The following CCDC171 variants were observed in gnomAD, a reference collection of about 807,000 sequenced individuals.
CCDC171 encodes coiled-coil domain-containing protein 171.
A neutral mutation model predicts 168.2 loss-of-function variants in CCDC171; 177 were observed. The ratio of observed to expected loss-of-function variants is 1.05; its 90% CI spans 0.93 to 1.19. The LOEUF (loss-of-function observed/expected upper bound fraction) is 1.19, where lower values mean the gene tolerates loss of function less well. Among genes scored for constraint, CCDC171 ranks in the 50% most tolerant of loss-of-function variants. The pLI is 0.00. For missense variants in CCDC171, 1,991 were observed against 1,539.0 expected (o/e 1.29, Z -4.91); for synonymous variants, 687 against 540.8 (o/e 1.27, Z -3.75).
At chr9:15,793,329 C>T (rs1384589306) in intron 21 of CCDC171, among the ~76,000 whole-genome samples, 5 of 151,852 alleles carry the variant, frequency 3.3e-5, no homozygotes, top group African/African-American at 1.2e-4. Flanking sequence ...TAAAGCAAGT[C>T]CTTAGAGACC....
chr9:16,043,874 C>A (rs757386605), intron 1 of CCDC171, among the ~76,000 whole-genome samples: 11 of 152,122 alleles, frequency 7.2e-5, no homozygotes, highest in Non-Finnish European at 1.5e-4. Context: ...AATTCAGTGC[C>A]CTGGCATCAC....
downstream of CCDC171, among the ~76,000 whole-genome samples, chr9:16,065,596 GAC>G (rs1168026950): frequency 1.3e-5 from 2 of 152,284 alleles, no homozygotes; most frequent in Non-Finnish European, 2.9e-5. Context: ...GCACCACTCT[GAC>G]ACACAGTTTG....
intron 25 of CCDC171, among the ~76,000 whole-genome samples, chr9:15,927,244 C>T (rs1163768098): frequency 6.6e-6 from 1 of 151,576 alleles, no homozygotes; most frequent in Non-Finnish European, 1.5e-5. Context: ...GTATGTTGGT[C>T]TTTGGCCCAT....
At position 15,971,722 on chromosome 9, in the gene CCDC171, C is replaced by T. The variant is rs760316996; in HGVS notation, c.3867C>T (p.Tyr1289=). 1.7e-5 allele frequency: 27 copies of T among 1,613,668 alleles called. No homozygotes were observed. The South Asian group carries it at 2.6e-4, about 16-fold the overall frequency. ...LPLKAELDTT[Y]TFLKETFINT... ...TGAAAGCTGAACTTGATACTACTTA[C>T]ACTTTCTTAAAGGAGACATTTATAA... Residue 1289 remains tyrosine, a synonymous_variant, in exon 26 of 26, where the codon TAC becomes TAT. Coordinates refer to ENST00000380701, the MANE Select transcript of CCDC171 (RefSeq NM_173550.4).
chr9:15,967,964 T>G (rs1370384488), intron 25 of CCDC171, among the ~76,000 whole-genome samples: 2 of 152,240 alleles, frequency 1.3e-5, no homozygotes, highest in East Asian at 3.8e-4. Context: ...ATGCTTTATT[T>G]ATTTATTTTT....
intron 21 of CCDC171, among the ~76,000 whole-genome samples, chr9:15,824,176 A>T (rs576797806): frequency 2.0e-5 from 3 of 152,132 alleles, no homozygotes; most frequent in African/African-American, 7.2e-5. Flanking sequence ...TCATGTATCT[A>T]TGTTTATCTG....
chr9:15,957,456 A>C (rs1243031208), intron 25 of CCDC171, among the ~76,000 whole-genome samples: 1 of 152,172 alleles, frequency 6.6e-6, no homozygotes, highest in African/African-American at 2.4e-5. Flanking sequence ...AAGCACCTTA[A>C]AAGATTTTAC....
chr9:15,624,726 G>T (rs2044898490), intron 7 of CCDC171, among the ~76,000 whole-genome samples: 1 of 152,094 alleles, frequency 6.6e-6, no homozygotes, highest in South Asian at 2.1e-4. Context: ...TGGACATTTG[G>T]GTTGGTTCCA....
At chr9:15,931,447 T>C (rs1299914693) in intron 25 of CCDC171, among the ~76,000 whole-genome samples, 1 of 138,622 alleles carries the variant, frequency 7.2e-6, no homozygotes, top group African/African-American at 2.6e-5. Flanking sequence ...TTTCTTTCTT[T>C]CTTTCTTTCT....
intron 3 of CCDC171, among the ~76,000 whole-genome samples, chr9:15,576,258 C>T (rs946036672): frequency 4.6e-5 from 7 of 151,448 alleles, no homozygotes; most frequent in Middle Eastern, 3.4e-3. Context: ...ATCATTGCTC[C>T]CTACAGCCTG....
chr9:15,837,491 C>A (rs1241124785), intron 21 of CCDC171, among the ~76,000 whole-genome samples: 2 of 152,148 alleles, frequency 1.3e-5, no homozygotes, highest in South Asian at 4.1e-4. Flanking sequence ...CTATAAAATG[C>A]TATGTTTTGC....
intron 21 of CCDC171, among the ~76,000 whole-genome samples, chr9:15,788,917 C>A (rs979753550): frequency 5.3e-5 from 8 of 151,946 alleles, no homozygotes; most frequent in African/African-American, 1.7e-4. Flanking sequence ...CTCAGAATGG[C>A]CTTTTGTTTT....
At chr9:15,813,729 A>G (rs1191606712) in intron 21 of CCDC171, among the ~76,000 whole-genome samples, 2 of 152,072 alleles carry the variant, frequency 1.3e-5, no homozygotes, top group Non-Finnish European at 1.5e-5. Context: ...GATGTACAGA[A>G]TTTTATACTG....
intron 10 of CCDC171, among the ~76,000 whole-genome samples, chr9:15,683,276 G>A (rs1010589587): frequency 3.9e-5 from 6 of 151,904 alleles, no homozygotes; most frequent in African/African-American, 1.4e-4. Context: ...TTATATAATA[G>A]TAATGATTGC....
chr9:15,951,390 C>T (rs1829148342), intron 25 of CCDC171, among the ~76,000 whole-genome samples: 1 of 152,138 alleles, frequency 6.6e-6, no homozygotes, highest in Non-Finnish European at 1.5e-5. Flanking sequence ...TTTTTAATTT[C>T]TTGAGGAGCT....
At chr9:15,859,924 A>T (rs1316252842) in intron 23 of CCDC171, among the ~76,000 whole-genome samples, 1 of 151,352 alleles carries the variant, frequency 6.6e-6, no homozygotes, top group Non-Finnish European at 1.5e-5. Context: ...CACCTTGGCC[A>T]CGGAAGTGCT....
At chr9:15,860,102 T>A (rs998053487) in intron 23 of CCDC171, among the ~76,000 whole-genome samples, 2 of 151,790 alleles carry the variant, frequency 1.3e-5, no homozygotes, top group African/African-American at 4.8e-5. Flanking sequence ...TCATGATTCT[T>A]TTTATTTCTG....
intron 14 of CCDC171, 81 bp from the exon 15 acceptor site, chr9:15,727,788 C>A: frequency 1.9e-6 from 2 of 1,036,724 alleles, no homozygotes; most frequent in Non-Finnish European, 2.6e-6. Context: ...TTTAAATTAA[C>A]TCTTCACCAT....
intron 10 of CCDC171, among the ~76,000 whole-genome samples, chr9:15,694,255 A>G (rs1437988636): frequency 6.6e-6 from 1 of 152,114 alleles, no homozygotes; most frequent in Non-Finnish European, 1.5e-5. Flanking sequence ...CAAGTTTCAG[A>G]CAGTATCTGT....
Sources: gnomAD v4.1 joint callset for allele counts (sites outside exome capture counted in the v4.1 genomes callset) on GRCh38, gnomAD v4.1.1 for gene constraint, MANE v1.5 for transcripts, NCBI Gene and HGNC (gene_info 2026-07-23, HGNC 2026-07-21) for gene names.